ANKRD28: variants seen among roughly 807,000 people sequenced by gnomAD.
The protein encoded by ANKRD28 is ankyrin repeat domain 28.
Under a neutral mutation model 126.5 loss-of-function variants are expected in ANKRD28, and 44 were observed. The ratio of observed to expected loss-of-function variants is 0.35; its 90% confidence interval spans 0.27 to 0.45. The LOEUF is 0.45. Ranked by LOEUF, ANKRD28 falls within the 20% of genes least tolerant of loss-of-function variation. ANKRD28 has a pLI of 1.00. For missense variants in ANKRD28, 1,110 were observed against 1,316.6 expected, an observed-to-expected ratio of 0.84 and a Z score of 2.43; for synonymous variants, 442 against 468.5, an observed-to-expected ratio of 0.94 and a Z score of 0.73.
chr3:15,693,628 A>G (rs1360150841), intron 17 of ANKRD28, among the ~76,000 whole-genome samples: 4 of 151,014 alleles, frequency 2.6e-5, no homozygotes, highest in Non-Finnish European at 5.9e-5. Flanking sequence ...TGCTGCTGCT[A>G]ATGCTGCTCA....
At chr3:15,737,361 A>G (rs563369556) in intron 4 of ANKRD28, 128 bp from the exon 5 acceptor site, 27 of 783,768 alleles carry the variant, frequency 3.4e-5, no homozygotes, top group South Asian at 1.4e-4. Flanking sequence ...GCTCTCATAG[A>G]ACTCACTATA....
chr3:15,844,840 C>T (rs941511020), intron 1 of ANKRD28, among the ~76,000 whole-genome samples: 1 of 152,156 alleles, frequency 6.6e-6, no homozygotes, highest in Admixed American at 6.5e-5. Flanking sequence ...TCGGTTCTCA[C>T]ACTGCTATAA....
intron 6 of ANKRD28, chr3:15,732,036 G>C (rs1027061901): frequency 2.0e-5 from 3 of 152,208 alleles, no homozygotes; most frequent in South Asian, 4.1e-4. Context: ...TCCTAGTCAT[G>C]CAAGTGTGAT....
At chr3:15,735,176 C>T (rs916732124) in intron 6 of ANKRD28, among the ~76,000 whole-genome samples, 2 of 151,992 alleles carry the variant, frequency 1.3e-5, no homozygotes, top group African/African-American at 2.4e-5. Flanking sequence ...GTGTCTGGGA[C>T]ATCTCTTTTT....
chr3:15,741,664 T>TCCACAGTA lies in ANKRD28; in HGVS notation c.352-4439_352-4432dup, dbSNP rs926844569. On this transcript the variant is annotated intron_variant, in intron 4 of 27. Transcript: ENST00000683139. ...ACCATGGGGTCAGTATAGAAGAGGC[T>TCCACAGTA]CCACAGTACCAGTTTTCCCCTTTGG... 4.3e-5 allele frequency among the ~76,000 whole-genome samples: 6 copies of TCCACAGTA among 138,954 alleles called. No homozygotes were observed. In the Admixed American group the frequency reaches 4.6e-4, roughly 11 times the overall value. The allele number at this position is 138,954 out of a possible 152,430, so 91.2% of individuals were successfully genotyped here. A position where few individuals can be genotyped will look rare whatever the true frequency, so the allele number is the denominator to read the frequency against.
chr3:15,701,648 A>C (rs529678789), intron 14 of ANKRD28, among the ~76,000 whole-genome samples: 1 of 144,454 alleles, frequency 6.9e-6, no homozygotes, highest in South Asian at 2.1e-4. Context: ...CCGTCTCAAA[A>C]AATAAATAAA....
chr3:15,670,682 T>C (rs2066247082), intron 27 of ANKRD28, 126 bp from the exon 28 acceptor site: 1 of 998,974 alleles, frequency 1.0e-6, no homozygotes, highest in Admixed American at 2.9e-5. Context: ...AATAAATTGC[T>C]GTAACCAGCA....
chr3:15,728,532 C>G (rs2074355402), intron 6 of ANKRD28, among the ~76,000 whole-genome samples: 1 of 152,154 alleles, frequency 6.6e-6, no homozygotes, highest in Admixed American at 6.5e-5. Flanking sequence ...TGGCCTGAAG[C>G]AGTCCTCACA....
At position 15,833,894 on chromosome 3, in the gene ANKRD28, T is replaced by C. The variant is rs2061264322; in HGVS notation, c.27+25483A>G. On this transcript the variant is annotated intron_variant, in intron 1 of 27. Transcript: ENST00000399451. This position sits in a 1 kb window ranked among gnomAD's most constrained non-coding sequence, Gnocchi z 4.4. ...TTTTGGCCACTTGTATGTCTTCTTTTGGAAAATGTCTGTTTGTGTTATTTG... is the reference window on the plus strand; with the variant it reads ...TTTTGGCCACTTGTATGTCTTCTTTCGGAAAATGTCTGTTTGTGTTATTTG... Among the ~76,000 whole-genome samples the C allele has an allele frequency of 1.3e-5, 2 of 152,188 alleles. No individual in the cohort carries two copies. The highest frequency in any genetic ancestry group is 4.8e-5 in the African/African-American group (2 of 41,452).
At chr3:15,754,516 C>T (rs1329634104) in intron 3 of ANKRD28, among the ~76,000 whole-genome samples, 1 of 152,010 alleles carries the variant, frequency 6.6e-6, no homozygotes, top group Non-Finnish European at 1.5e-5. Context: ...GCTGAGGTTG[C>T]TAAGATCTAC....
intron 26 of ANKRD28, 92 bp from the exon 27 acceptor site, chr3:15,676,081 T>G: frequency 2.9e-6 from 3 of 1,032,088 alleles, no homozygotes; most frequent in Non-Finnish European, 4.2e-6. Context: ...TTTTGTCAAC[T>G]TGTGAAGACC....
intron 8 of ANKRD28, among the ~76,000 whole-genome samples, chr3:15,715,589 G>A (rs2072910042): frequency 6.6e-6 from 1 of 152,182 alleles, no homozygotes; most frequent in South Asian, 2.1e-4. Context: ...AAGGGGAGGA[G>A]GAGAGAGGAT....
intron 27 of ANKRD28, among the ~76,000 whole-genome samples, chr3:15,674,195 A>AAAAAAAAAAAAAAAAAAAAC: frequency 6.6e-6 from 1 of 150,752 alleles, no homozygotes; most frequent in Non-Finnish European, 1.5e-5. Context: ...AAAAAAAAAA[A>AAAAAAAAAAAAAAAAAAAAC]AAAGAAGAAG....
At chr3:15,859,442 C>T in exon 1 of ANKRD28, 1 of 1,500,242 alleles carries the variant, frequency 6.7e-7, no homozygotes. Flanking sequence ...TCCTCCTCCT[C>T]CGCCGCTGCC....
rs2061169029 is a variant in ANKRD28, at chr3:15,830,619, C to T, written c.27+28758G>A. On this transcript the variant is annotated intron_variant, in intron 1 of 27. Transcript: ENST00000399451. The surrounding 1 kb of genome is among the most constrained non-coding windows in gnomAD (Gnocchi z 4.5). ...CACGGAAAAATTGTCTTCCACGAAA[C>T]TGGTCCCTGGTGCCAAAAACACTGG... Among the ~76,000 whole-genome samples, 1 of 151,762 alleles carries T rather than the reference C, an allele frequency of 6.6e-6. No individual in the cohort carries two copies. Among genetic ancestry groups the T allele is most frequent in the Admixed American group, 6.6e-5 (1 of 15,224 alleles).
Position 15,859,590 on chromosome 3 carries a change from C to T in ANKRD28, c.-187G>A, listed in dbSNP as rs1364931428. On this transcript the variant is annotated 5_prime_UTR_variant, in exon 1 of 28. Transcript: ENST00000399451. ...CCGCCTCCCCGGCCGCCCGCCGCCG[C>T]CGCCGCCGCCGCCGCCGCCGAGAGG... The T allele has an allele frequency of 3.0e-5, 6 of 199,496 alleles. No individual in the cohort carries two copies. The Admixed American group carries it at 3.2e-4, about 11-fold the overall frequency. 12.4% of individuals were successfully genotyped at this position (199,496 alleles called of 1,614,324 possible).
Position 15,735,643 on chromosome 3 carries a change from G to A in ANKRD28, c.553-146C>T, listed in dbSNP as rs372547374. 1.3e-4 allele frequency: 76 copies of A among 601,022 alleles called. 1 individual carries two copies. In the African/African-American group the frequency reaches 1.3e-3, roughly 10 times the overall value. The allele number at this position is 601,022 out of a possible 1,614,324, so 37.2% of individuals were successfully genotyped here. ...GAAGGAGCTAGACTAAATACTGAAGGTCATTTAACATAACAGGACAAAACA... is the reference window on the plus strand; with the variant it reads ...GAAGGAGCTAGACTAAATACTGAAGATCATTTAACATAACAGGACAAAACA... On this transcript the variant is annotated intron_variant, in intron 5 of 27. Transcript: ENST00000683139.
At chr3:15,711,388 G>C in intron 11 of ANKRD28, 114 bp from the exon 12 acceptor site, 1 of 793,906 alleles carries the variant, frequency 1.3e-6, no homozygotes. Flanking sequence ...AAAACTATGG[G>C]TTCTTAAGTG....
At chr3:15,828,430 T>C (rs543590066) in intron 1 of ANKRD28, among the ~76,000 whole-genome samples, 17 of 152,088 alleles carry the variant, frequency 1.1e-4, no homozygotes, top group Admixed American at 1.0e-3. Flanking sequence ...AAAGGTGACA[T>C]GATAGGAGTA....
Sources: gnomAD v4.1 joint callset for allele counts (sites outside exome capture counted in the v4.1 genomes callset) on GRCh38, gnomAD v4.1.1 for gene constraint, Gnocchi (gnomAD v3.1) non-coding constraint, MANE v1.5 for transcripts, NCBI Gene and HGNC (gene_info 2026-07-23, HGNC 2026-07-21) for gene names.